Variants in PDE2A observed in about 807,000 individuals in gnomAD.
PDE2A encodes the protein phosphodiesterase 2A.
PDE2A carries 53 observed loss-of-function variants against 133.6 expected under a neutral mutation model. The observed-to-expected ratio is 0.40, with a 90% CI of 0.32 to 0.50. The LOEUF is 0.50. Among genes scored for constraint, PDE2A ranks in the 20% least tolerant of loss-of-function variants. The pLI is 0.73. For missense variants in PDE2A, 796 were observed against 1,232.4 expected, an observed-to-expected ratio of 0.65 and a Z score of 5.30; for synonymous variants, 491 against 490.2, an observed-to-expected ratio of 1.00 and a Z score of -0.02.
chr11:72,594,728 C>T (rs1211635831), intron 6 of PDE2A, among the ~76,000 whole-genome samples: 2 of 152,130 alleles, frequency 1.3e-5, no homozygotes, highest in African/African-American at 4.8e-5. Context: ...TGCTCACATT[C>T]CTCCTCTGCC....
intron 1 of PDE2A, among the ~76,000 whole-genome samples, chr11:72,668,703 G>C (rs909040729): frequency 6.6e-6 from 1 of 152,274 alleles, no homozygotes; most frequent in Non-Finnish European, 1.5e-5. Context: ...GACTGCATGG[G>C]TGTGGCCACA....
At chr11:72,645,481 C>G (rs914411854) in intron 1 of PDE2A, among the ~76,000 whole-genome samples, 4 of 152,198 alleles carry the variant, frequency 2.6e-5, no homozygotes, top group Non-Finnish European at 5.9e-5. Flanking sequence ...AGTGACCCCA[C>G]TCCAAGGACT....
At chr11:72,656,493 A>G (rs1854905158) in intron 1 of PDE2A, among the ~76,000 whole-genome samples, 2 of 152,020 alleles carry the variant, frequency 1.3e-5, no homozygotes, top group Non-Finnish European at 2.9e-5. Flanking sequence ...GTTTGAATCC[A>G]TCTCTGACCC....
rs780930632 is a variant in PDE2A at position 72,636,722 on chromosome 11, C to T, written c.144+5532G>A. Among the ~76,000 whole-genome samples the T allele has an allele frequency of 5.1e-4, 78 of 152,106 alleles. 1 individual carries two copies. Among genetic ancestry groups the T allele is most frequent in the Non-Finnish European group, 8.8e-4 (60 of 68,004 alleles). On this transcript the variant is annotated intron_variant, in intron 2 of 30. Transcript: ENST00000334456. ...CTCCCTCCACCAGCCCTGGCCACTCCGTCCCCTCCCCTCCATTCTTCAGCC... is the reference window on the plus strand; with the variant it reads ...CTCCCTCCACCAGCCCTGGCCACTCTGTCCCCTCCCCTCCATTCTTCAGCC...
chr11:72,674,265 C>T lies in PDE2A; in HGVS notation c.-58G>A, dbSNP rs1254342041. The T allele has an allele frequency of 1.9e-6, 3 of 1,546,456 alleles. No homozygotes were observed. Among genetic ancestry groups the T allele is most frequent in the Non-Finnish European group, 1.8e-6 (2 of 1,142,080 alleles). On this transcript the variant is annotated 5_prime_UTR_variant, in exon 1 of 31. Coordinates refer to ENST00000334456, the MANE Select transcript of PDE2A (RefSeq NM_002599.5). ...AAGGTGGCACCTCGCCCTGTCCCCG[C>T]TGCCTGGAGTTCAGGGCAGGGCACC...
intron 1 of PDE2A, among the ~76,000 whole-genome samples, chr11:72,655,573 G>A (rs1246608809): frequency 6.6e-6 from 1 of 151,998 alleles, no homozygotes; most frequent in East Asian, 1.9e-4. Flanking sequence ...AGTTGTGAAT[G>A]CAAGATGTGA....
intron 1 of PDE2A, among the ~76,000 whole-genome samples, chr11:72,662,087 G>A (rs1193464007): frequency 6.6e-6 from 1 of 152,166 alleles, no homozygotes; most frequent in Non-Finnish European, 1.5e-5. Flanking sequence ...CCGGGTTTCG[G>A]TGTGTTGTAT....
Position 72,578,244 on chromosome 11 carries a change from C to T in PDE2A, c.2604G>A (p.Met868Ile). The T allele has an allele frequency of 6.3e-7, 1 of 1,599,594 alleles. No individual in the cohort carries two copies. The highest frequency in any genetic ancestry group is 8.6e-7 in the Non-Finnish European group (1 of 1,166,692). ...ATGAGCTCACTCACTTGTAGATGGGCATTGCAATGTGCTCCATGAAGCTGA... is the reference window on the plus strand; with the variant it reads ...ATGAGCTCACTCACTTGTAGATGGGTATTGCAATGTGCTCCATGAAGCTGA... The part of the protein sequence containing the change: ...LQISFMEHIA[M>I]PIYKLLQDLF... Residue 868 changes from methionine to isoleucine, a missense_variant, in exon 30 of 31, where the codon ATG (methionine) becomes ATA (isoleucine). This residue lies in a region of PDE2A where 83 missense variants were observed against 99.0 expected (regional missense o/e 0.84). Coordinates refer to ENST00000334456, the MANE Select transcript of PDE2A (RefSeq NM_002599.5). This position sits in a 1 kb window ranked among gnomAD's most constrained non-coding sequence, Gnocchi z 4.2.
intron 6 of PDE2A, among the ~76,000 whole-genome samples, chr11:72,593,063 C>T (rs1186479236): frequency 8.5e-5 from 13 of 152,112 alleles, no homozygotes; most frequent in East Asian, 1.9e-4. Flanking sequence ...AACCAGTTCT[C>T]GGGCTGCCTT....
At chr11:72,621,712 CACTGTT>C (rs1857779310) in intron 2 of PDE2A, 1 of 152,272 alleles carries the variant, frequency 6.6e-6, no homozygotes. Context: ...GGCTCTGTGT[CACTGTT>C]ACATTTCAGC....
At chr11:72,594,543 G>GT (rs1327030784) in intron 6 of PDE2A, among the ~76,000 whole-genome samples, 5 of 152,154 alleles carry the variant, frequency 3.3e-5, no homozygotes, top group African/African-American at 9.7e-5. Context: ...CCTTTCAAGA[G>GT]TTCTTCCCTG....
Position 72,597,650 on chromosome 11 carries a change from GC to G in PDE2A, c.324-32del, listed in dbSNP as rs760498321. 16 of 1,450,934 alleles carry G rather than the reference GC, an allele frequency of 1.1e-5. No homozygotes were observed. In the African/African-American group the frequency reaches 1.9e-4, roughly 18 times the overall value. 89.9% of individuals were successfully genotyped at this position (1,450,934 alleles called of 1,614,324 possible). A position where few individuals can be genotyped will look rare whatever the true frequency, so the allele number is the denominator to read the frequency against. ...AAGAGGACATGATGCCACCTTGAGAGCCCCCGACTCAGGGAGGAACGAGGCC... is the reference window on the plus strand; with the variant it reads ...AAGAGGACATGATGCCACCTTGAGAGCCCCGACTCAGGGAGGAACGAGGCC... On this transcript the variant is annotated intron_variant, in intron 4 of 30. Transcript: ENST00000334456. This position sits in a 1 kb window ranked among gnomAD's most constrained non-coding sequence, Gnocchi z 4.6.
At chr11:72,608,856 G>T (rs371981410) in intron 2 of PDE2A, 105 bp from the exon 3 acceptor site, 1 of 666,170 alleles carries the variant, frequency 1.5e-6, no homozygotes. Flanking sequence ...TCCAGAGCCC[G>T]AGTCTTTCAG....
intron 1 of PDE2A, among the ~76,000 whole-genome samples, chr11:72,662,000 G>A (rs906360758): frequency 6.6e-6 from 1 of 152,138 alleles, no homozygotes; most frequent in African/African-American, 2.4e-5. Flanking sequence ...CCTGGTATGG[G>A]GAGTTCTTCT....
At chr11:72,581,547 A>G in intron 22 of PDE2A, 68 bp from the exon 23 acceptor site, 1 of 1,495,238 alleles carries the variant, frequency 6.7e-7, no homozygotes, top group Non-Finnish European at 9.1e-7. Context: ...CCATGATGGC[A>G]AACTACATGT....
chr11:72,629,523 C>T (rs1367962553), intron 2 of PDE2A, among the ~76,000 whole-genome samples: 1 of 152,222 alleles, frequency 6.6e-6, no homozygotes. Context: ...AATGCCATGG[C>T]AGTAAATAAA....
At chr11:72,610,271 G>T (rs1172586940) in intron 2 of PDE2A, among the ~76,000 whole-genome samples, 1 of 152,154 alleles carries the variant, frequency 6.6e-6, no homozygotes, top group African/African-American at 2.4e-5. Flanking sequence ...GCTGGCCTTG[G>T]TCTAGTGGGC....
At chr11:72,606,317 T>C (rs1407520580) in intron 3 of PDE2A, among the ~76,000 whole-genome samples, 2 of 152,018 alleles carry the variant, frequency 1.3e-5, no homozygotes, top group East Asian at 3.9e-4. Flanking sequence ...CTGGAGGGCT[T>C]TGGGAGGAGC....
Position 72,583,123 on chromosome 11 carries a change from G to A in PDE2A, c.1728+315C>T, listed in dbSNP as rs1855796394. Among the ~76,000 whole-genome samples the A allele has an allele frequency of 3.9e-5, 6 of 152,354 alleles. No individual in the cohort carries two copies. The South Asian group carries it at 1.2e-3, about 32-fold the overall frequency. ...GTACCTAGGGAAGCCATGGGGACGG[G>A]TCCTGGGTGAGCTTCCTAGCCCTCA... On this transcript the variant is annotated intron_variant, in intron 20 of 30. Transcript: ENST00000334456.
Sources: gnomAD v4.1 joint callset for allele counts (sites outside exome capture counted in the v4.1 genomes callset) on GRCh38, gnomAD v4.1.1 for gene constraint, gnomAD v4.1.1 regional missense constraint, Gnocchi (gnomAD v3.1) non-coding constraint, MANE v1.5 for transcripts, NCBI Gene and HGNC (gene_info 2026-07-23, HGNC 2026-07-21) for gene names.